Variants in TMEM132B observed in about 807,000 individuals in gnomAD.
TMEM132B encodes transmembrane protein 132B.
A neutral mutation model predicts 90.8 loss-of-function variants in TMEM132B; 18 were observed. The ratio of observed to expected loss-of-function variants is 0.20; its 90% CI spans 0.14 to 0.29. TMEM132B has a LOEUF of 0.29. Among genes scored for constraint, TMEM132B ranks in the 10% least tolerant of loss-of-function variants. The pLI, the probability that TMEM132B is intolerant of heterozygous loss-of-function variation, is 1.00. For missense variants in TMEM132B, 1,096 were observed against 1,326.8 expected (o/e 0.83, Z 2.70); for synonymous variants, 504 against 523.3 (o/e 0.96, Z 0.50).
At chr12:125,235,802 C>CTTTTTTTT (rs61643412) in intron 1 of TMEM132B, among the ~76,000 whole-genome samples, 3 of 107,402 alleles carry the variant, frequency 2.8e-5, no homozygotes, top group Non-Finnish European at 1.8e-5. Context: ...CACTTCATTC[C>CTTTTTTTT]TTTTTTTTTT....
At position 125,257,686 on chromosome 12, in the gene TMEM132B, C is replaced by T. The variant is rs541775125; in HGVS notation, c.67+70820C>T. Among the ~76,000 whole-genome samples, 6 of 152,192 alleles carry T rather than the reference C, an allele frequency of 3.9e-5. 1 individual carries two copies. In the South Asian group the frequency reaches 1.2e-3, roughly 32 times the overall value. On this transcript the variant is annotated intron_variant, in intron 1 of 8. Transcript: ENST00000682704. The stretch of plus-strand genomic sequence containing the variant: ...AAGGATTTTGAGATGGGGAGGTTAT[C>T]CTGGATTTTTCTGGGTGGGCCCTAA...
intron 5 of TMEM132B, among the ~76,000 whole-genome samples, chr12:125,623,111 C>T (rs1261357744): frequency 6.6e-6 from 1 of 152,182 alleles, no homozygotes; most frequent in East Asian, 1.9e-4. Context: ...GGCTGGGCAG[C>T]ATGATATGCT....
intron 1 of TMEM132B, among the ~76,000 whole-genome samples, chr12:125,202,552 A>T (rs12426401): frequency 0.68 from 103,964 of 152,198 alleles, 35,560 homozygotes; most frequent in African/African-American, 0.71. Context: ...CCTTGCTGAC[A>T]GTTGGCCAGA....
rs1188613098 is a variant in TMEM132B at position 125,458,640 on chromosome 12, A to T, written c.1106+42963A>T. On this transcript the variant is annotated intron_variant, in intron 3 of 8. Coordinates refer to ENST00000682704, the MANE Select transcript of TMEM132B (RefSeq NM_001366854.1). The surrounding 1 kb of genome is among the most constrained non-coding windows in gnomAD (Gnocchi z 4.9). ...CAGGACCCCTGGAAATGAGACTCACATCCATGCGGCCAGCGTCCGTGTCCC... is the reference window on the plus strand; with the variant it reads ...CAGGACCCCTGGAAATGAGACTCACTTCCATGCGGCCAGCGTCCGTGTCCC... 5.9e-5 allele frequency among the ~76,000 whole-genome samples: 9 copies of T among 152,120 alleles called. No homozygotes were observed. The highest frequency in any genetic ancestry group is 1.5e-5 in the Non-Finnish European group (1 of 68,012).
chr12:125,208,698 A>G (rs994135248), intron 1 of TMEM132B, among the ~76,000 whole-genome samples: 5 of 152,142 alleles, frequency 3.3e-5, no homozygotes, highest in African/African-American at 4.8e-5. Flanking sequence ...AGCAGTGGGG[A>G]ACCCCCTGCA....
chr12:125,433,464 C>G (rs116397277), intron 3 of TMEM132B, among the ~76,000 whole-genome samples: 1,680 of 152,082 alleles, frequency 0.011, 37 homozygotes, highest in African/African-American at 0.038. Context: ...ACTGCCCTCC[C>G]TAGAACGCTA....
In TMEM132B at chr12:125,408,630, C is replaced by G. The variant is rs1879584942; in HGVS notation, c.960-6901C>G. ...GTCCCGAACAGATTAAGGCAATGAGCATTTTGGGTTGTTTCCATTTTGGGC... is the reference window on the plus strand; with the variant it reads ...GTCCCGAACAGATTAAGGCAATGAGGATTTTGGGTTGTTTCCATTTTGGGC... On this transcript the variant is annotated intron_variant, in intron 2 of 8. Coordinates refer to ENST00000682704, the MANE Select transcript of TMEM132B (RefSeq NM_001366854.1). The surrounding 1 kb of genome is among the most constrained non-coding windows in gnomAD (Gnocchi z 5.9). Among the ~76,000 whole-genome samples the G allele has an allele frequency of 6.6e-6, 1 of 152,200 alleles. No homozygotes were observed. Among genetic ancestry groups the G allele is most frequent in the South Asian group, 2.1e-4 (1 of 4,826 alleles).
At chr12:125,555,343 A>G (rs1012566667) in intron 4 of TMEM132B, among the ~76,000 whole-genome samples, 4 of 151,926 alleles carry the variant, frequency 2.6e-5, no homozygotes, top group African/African-American at 9.7e-5. Context: ...AAGTGATGTA[A>G]TATTTTGGTT....
chr12:125,309,220 A>G (rs1219018646), intron 1 of TMEM132B, among the ~76,000 whole-genome samples: 7 of 152,178 alleles, frequency 4.6e-5, no homozygotes, highest in African/African-American at 1.7e-4. Context: ...TTTATATGCT[A>G]TTTGGAATAA....
intron 3 of TMEM132B, among the ~76,000 whole-genome samples, chr12:125,418,564 C>T (rs908577770): frequency 2.6e-5 from 4 of 152,246 alleles, no homozygotes; most frequent in Non-Finnish European, 2.9e-5. Flanking sequence ...AGTACAGGCT[C>T]GTGGACCGTG....
intron 2 of TMEM132B, among the ~76,000 whole-genome samples, chr12:125,362,806 C>G (rs1033891304): frequency 1.3e-5 from 2 of 152,186 alleles, no homozygotes; most frequent in African/African-American, 4.8e-5. Context: ...CAATAATCTG[C>G]AACAATACAG....
At chr12:125,440,069 C>T (rs1282284621) in intron 3 of TMEM132B, among the ~76,000 whole-genome samples, 1 of 152,124 alleles carries the variant, frequency 6.6e-6, no homozygotes, top group Non-Finnish European at 1.5e-5. Flanking sequence ...ATTCAGTTTG[C>T]AAGTATTTTG....
rs767429077 is a variant in TMEM132B, at chr12:125,349,626, A to G, written c.242A>G (p.Tyr81Cys). The change falls in exon 2 of 9, where the codon TAC (tyrosine) becomes TGC (cysteine). Residue 81 changes from tyrosine to cysteine, a missense_variant. By Grantham distance (194) the Tyr-to-Cys change is radical. Coordinates refer to ENST00000682704, the MANE Select transcript of TMEM132B (RefSeq NM_001366854.1). This position sits in a 1 kb window ranked among gnomAD's most constrained non-coding sequence, Gnocchi z 4.1. ...GCCCGGGTGGAGCCATTCTTCATCTACCGAGCCAGGACACCCCCTATTATC... is the reference window on the plus strand; with the variant it reads ...GCCCGGGTGGAGCCATTCTTCATCTGCCGAGCCAGGACACCCCCTATTATC... ...LQARVEPFFIYRARTPPIINA... is the reference protein window; with the variant it reads ...LQARVEPFFICRARTPPIINA... 2 of 1,614,046 alleles carry G rather than the reference A, an allele frequency of 1.2e-6. No homozygotes were observed. Among genetic ancestry groups the G allele is most frequent in the Admixed American group, 3.3e-5 (2 of 60,024 alleles).
intron 2 of TMEM132B, among the ~76,000 whole-genome samples, chr12:125,398,282 C>T (rs1879220360): frequency 6.6e-6 from 1 of 152,154 alleles, no homozygotes; most frequent in African/African-American, 2.4e-5. Flanking sequence ...ACTACCCCTA[C>T]TCATTTTTAT....
At chr12:125,562,631 T>C (rs1486411646) in intron 4 of TMEM132B, among the ~76,000 whole-genome samples, 3 of 152,198 alleles carry the variant, frequency 2.0e-5, no homozygotes. Context: ...TCATCTTGAA[T>C]TGTAGCTCTC....
intron 3 of TMEM132B, among the ~76,000 whole-genome samples, chr12:125,509,309 G>A (rs1404942282): frequency 6.6e-6 from 1 of 152,154 alleles, no homozygotes; most frequent in Non-Finnish European, 1.5e-5. Context: ...GGGCTTCCTG[G>A]CGCTCTAGTT....
Position 125,390,515 on chromosome 12 carries a change from CTGAA to C in TMEM132B, c.960-25013_960-25010del, listed in dbSNP as rs560999197. Among the ~76,000 whole-genome samples the C allele has an allele frequency of 2.2e-3, 341 of 152,354 alleles. 2 individuals are homozygous for C. Among genetic ancestry groups the C allele is most frequent in the African/African-American group, 7.6e-3 (318 of 41,582 alleles). On this transcript the variant is annotated intron_variant, in intron 2 of 8. Transcript: ENST00000682704. ...ATGAGGTGAAGCTGAGTTCTCCACT[CTGAA>C]TGTGGGCTGGATTTGGTGAGTCACT... is the stretch of plus-strand genomic sequence containing the variant.
chr12:125,243,984 G>A (rs894289574), intron 1 of TMEM132B, among the ~76,000 whole-genome samples: 24 of 151,756 alleles, frequency 1.6e-4, no homozygotes, highest in African/African-American at 5.6e-4. Context: ...TTGCCTATTC[G>A]GGACATTTCT....
intron 2 of TMEM132B, among the ~76,000 whole-genome samples, chr12:125,392,353 G>C (rs1879049210): frequency 6.6e-6 from 1 of 152,084 alleles, no homozygotes; most frequent in Non-Finnish European, 1.5e-5. Flanking sequence ...CGTATGCCAG[G>C]TCAGGCACTG....
Sources: allele counts gnomAD v4.1 joint callset (sites outside exome capture counted in the v4.1 genomes callset), GRCh38; gene constraint gnomAD v4.1.1; non-coding constraint Gnocchi (gnomAD v3.1); transcripts MANE v1.5; gene names NCBI Gene and HGNC (gene_info 2026-07-23, HGNC 2026-07-21).